The following CPSF3 variants were observed in gnomAD, a reference collection of about 807,000 sequenced individuals.
The protein encoded by CPSF3 is cleavage and polyadenylation specificity factor subunit 3.
CPSF3 carries 57 observed loss-of-function variants against 84.1 expected under a neutral mutation model. That is an observed-to-expected ratio of 0.68 (90% CI 0.55 to 0.85). The LOEUF is 0.85. Ranked by LOEUF, CPSF3 falls within the 40% of genes least tolerant of loss-of-function variation. The probability of loss-of-function intolerance (pLI) is 0.00; values close to 1 mark genes in which losing one functional copy is unlikely to be tolerated. For synonymous variants in CPSF3, 275 were observed against 278.1 expected (o/e 0.99, Z 0.11); for missense variants, 522 against 838.8 (o/e 0.62, Z 4.66).
chr2:9,471,939 G>C lies in CPSF3; in HGVS notation c.1953+500G>C, dbSNP rs989609864. On this transcript the variant is annotated intron_variant, in intron 17 of 17. Transcript: ENST00000238112. The stretch of plus-strand genomic sequence containing the variant: ...GAGAATTGCTTGAAACAGGGAGGCA[G>C]AGGTTGCAGTGAGCCAAGATCACAT... Among the ~76,000 whole-genome samples the C allele has an allele frequency of 4.0e-5, 6 of 150,602 alleles. No homozygotes were observed. The East Asian group carries it at 1.2e-3, about 29-fold the overall frequency.
At chr2:9,431,545 T>C (rs902036611) in intron 4 of CPSF3, among the ~76,000 whole-genome samples, 3 of 99,492 alleles carry the variant, frequency 3.0e-5, no homozygotes, top group Admixed American at 8.5e-5. Flanking sequence ...TTTTTCTTTT[T>C]TTTTTTCTTT....
chr2:9,467,849 C>T (rs1682027905), intron 16 of CPSF3, 73 bp downstream of exon 16: 2 of 1,220,340 alleles, frequency 1.6e-6, no homozygotes, highest in African/African-American at 1.5e-5. Context: ...TCGGCTCTGA[C>T]TCCTTCAAGG....
At chr2:9,440,693 G>A (rs1485493086) in intron 8 of CPSF3, 27 bp downstream of exon 8, 1 of 1,612,148 alleles carries the variant, frequency 6.2e-7, no homozygotes, top group East Asian at 2.2e-5. Flanking sequence ...GAAAGACAAG[G>A]ATGGATAAAA....
In CPSF3 at chr2:9,433,372, T is replaced by C. The variant is rs372694000; in HGVS notation, c.520-499T>C. ...CACGTCCTAAATTTTTCACAGCTGC[T>C]TATACATTTGGAACTTTTAGACATT... On this transcript the variant is annotated intron_variant, in intron 5 of 17. Coordinates refer to ENST00000238112, the MANE Select transcript of CPSF3 (RefSeq NM_016207.4). 4.6e-5 allele frequency among the ~76,000 whole-genome samples: 7 copies of C among 152,254 alleles called. No individual in the cohort carries two copies. The East Asian group carries it at 1.2e-3, about 25-fold the overall frequency.
chr2:9,424,933 A>G (rs1680318622), intron 1 of CPSF3: 1 of 152,284 alleles, frequency 6.6e-6, no homozygotes, highest in Admixed American at 6.5e-5. Context: ...TATGGAAATA[A>G]GATAAAACTT....
intron 9 of CPSF3, 133 bp downstream of exon 9, chr2:9,442,109 T>C (rs1680974351): frequency 3.5e-6 from 3 of 867,226 alleles, no homozygotes; most frequent in Admixed American, 4.3e-5. Flanking sequence ...AGGACGGGAA[T>C]AGGTAGCTAG....
At chr2:9,441,663 A>G (rs1680963050) in intron 8 of CPSF3, 155 bp from the exon 9 acceptor site, 1 of 735,760 alleles carries the variant, frequency 1.4e-6, no homozygotes, top group South Asian at 1.9e-5. Context: ...CTGTTTAGGA[A>G]TTTGGCAACT....
At chr2:9,455,880 A>G (rs1250307065) in intron 13 of CPSF3, 123 bp downstream of exon 13, 1 of 630,962 alleles carries the variant, frequency 1.6e-6, no homozygotes, top group African/African-American at 1.9e-5. Flanking sequence ...TTTTATAAAT[A>G]TGTGTGATCA....
chr2:9,469,127 G>A (rs1010913171), intron 16 of CPSF3, among the ~76,000 whole-genome samples: 1 of 152,138 alleles, frequency 6.6e-6, no homozygotes, highest in African/African-American at 2.4e-5. Flanking sequence ...AGATTTTACT[G>A]GTTCCCACCC....
In CPSF3 at chr2:9,456,762, T is replaced by C. The variant is rs1371315766; in HGVS notation, c.1604-171T>C. Reference sequence around the variant, plus strand: ...CTAGTTGAATGTTTGCAATACATGTTCAGACCTTTCCGTTGCTGTACTTTG... The same window carrying C: ...CTAGTTGAATGTTTGCAATACATGTCCAGACCTTTCCGTTGCTGTACTTTG... On this transcript the variant is annotated intron_variant, in intron 13 of 17. Coordinates refer to ENST00000238112, the MANE Select transcript of CPSF3 (RefSeq NM_016207.4). Among the ~76,000 whole-genome samples, 5 of 152,350 alleles carry C rather than the reference T, an allele frequency of 3.3e-5. No individual in the cohort carries two copies. The East Asian group carries it at 9.6e-4, about 29-fold the overall frequency.
intron 16 of CPSF3, among the ~76,000 whole-genome samples, chr2:9,470,947 C>A (rs904299571): frequency 1.3e-5 from 2 of 152,194 alleles, no homozygotes; most frequent in Admixed American, 6.5e-5. Context: ...GGCATGGTGA[C>A]TCCTGCCTGT....
intron 17 of CPSF3, among the ~76,000 whole-genome samples, chr2:9,471,731 C>T (rs1682172186): frequency 6.6e-6 from 1 of 151,700 alleles, no homozygotes; most frequent in African/African-American, 2.4e-5. Flanking sequence ...CTAGTTGACT[C>T]TCCATTTTTT....
In CPSF3 at chr2:9,441,775, G is replaced by C. The variant is rs201269235; in HGVS notation, c.937-43G>C. On this transcript the variant is annotated intron_variant, in intron 8 of 17. Coordinates refer to ENST00000238112, the MANE Select transcript of CPSF3 (RefSeq NM_016207.4). ...AAAAAGAAAGAATGCTTTGTCAGCT[G>C]CTGGTAGCTAACATACTTTTCCCAT... is the stretch of plus-strand genomic sequence containing the variant. The C allele has an allele frequency of 1.9e-6, 3 of 1,582,222 alleles. No homozygotes were observed. The East Asian group carries it at 6.7e-5, about 35-fold the overall frequency.
At chr2:9,466,299 T>G (rs35882907) in intron 15 of CPSF3, among the ~76,000 whole-genome samples, 89 of 140,566 alleles carry the variant, frequency 6.3e-4, no homozygotes, top group African/African-American at 2.3e-3. Flanking sequence ...CACAGACGCA[T>G]GCACACGCAC....
intron 11 of CPSF3, among the ~76,000 whole-genome samples, chr2:9,451,119 T>A (rs1474958871): frequency 2.6e-5 from 4 of 152,202 alleles, no homozygotes; most frequent in Non-Finnish European, 4.4e-5. Context: ...TGAATTGAAC[T>A]GAGTTCAGGA....
intron 12 of CPSF3, among the ~76,000 whole-genome samples, 193 bp from the exon 13 acceptor site, chr2:9,455,466 T>TACAGCTGGAGCAG (rs1423649712): frequency 6.6e-6 from 1 of 152,164 alleles, no homozygotes; most frequent in African/African-American, 2.4e-5. Context: ...GAGCAGAAGT[T>TACAGCTGGAGCAG]AACTGAAGGG....
chr2:9,432,812 T>C, intron 5 of CPSF3, 124 bp downstream of exon 5: 1 of 652,380 alleles, frequency 1.5e-6, no homozygotes, highest in South Asian at 6.6e-5. Context: ...AAACATAAGA[T>C]AAAAATACAG....
At chr2:9,447,689 C>T (rs1486426422) in intron 10 of CPSF3, among the ~76,000 whole-genome samples, 1 of 151,762 alleles carries the variant, frequency 6.6e-6, no homozygotes, top group African/African-American at 2.4e-5. Context: ...GCAGGAGAAT[C>T]GCTTGAACTC....
chr2:9,455,441 G>A (rs1251186479), intron 12 of CPSF3, among the ~76,000 whole-genome samples: 3 of 152,010 alleles, frequency 2.0e-5, no homozygotes, highest in East Asian at 3.9e-4. Flanking sequence ...GCCATAAGGT[G>A]CTTTCTTACA....
Sources: allele counts gnomAD v4.1 joint callset (sites outside exome capture counted in the v4.1 genomes callset), GRCh38; gene constraint gnomAD v4.1.1; transcripts MANE v1.5; gene names NCBI Gene and HGNC (gene_info 2026-07-23, HGNC 2026-07-21).